NCAM2: variants seen among roughly 807,000 people sequenced by gnomAD.
NCAM2 encodes the protein N-CAM-2.
In NCAM2, 30 loss-of-function variants were observed where a neutral mutation model predicts 98.1. The ratio of observed to expected loss-of-function variants is 0.31; its 90% CI spans 0.23 to 0.41. NCAM2 has a LOEUF of 0.41. Ranked by LOEUF, NCAM2 falls within the 10% of genes least tolerant of loss-of-function variation. The probability of loss-of-function intolerance (pLI) is 1.00; values close to 1 mark genes in which losing one functional copy is unlikely to be tolerated. For synonymous variants in NCAM2, 368 were observed against 342.4 expected (o/e 1.07, Z -0.83); for missense variants, 867 against 1,005.8 (o/e 0.86, Z 1.87).
rs143992428 is a variant in NCAM2 at position 21,166,586 on chromosome 21, T to C, written c.56-113992T>C. Among the ~76,000 whole-genome samples the C allele has an allele frequency of 2.6e-3, 393 of 152,256 alleles. 1 individual carries two copies. The highest frequency in any genetic ancestry group is 9.3e-3 in the African/African-American group (385 of 41,542). On this transcript the variant is annotated intron_variant, in intron 1 of 17. Coordinates refer to ENST00000400546, the MANE Select transcript of NCAM2 (RefSeq NM_004540.5). Reference sequence around the variant, plus strand: ...TCTCTGATGGGCCATTTGCAATAGATGTAACCAGAACAATAAGAGTCAGGA... The same window carrying C: ...TCTCTGATGGGCCATTTGCAATAGACGTAACCAGAACAATAAGAGTCAGGA...
At chr21:21,430,100 C>T (rs1177526598) in intron 11 of NCAM2, among the ~76,000 whole-genome samples, 1 of 151,982 alleles carries the variant, frequency 6.6e-6, no homozygotes, top group Admixed American at 6.6e-5. Flanking sequence ...ATGATCTCAA[C>T]TCACTGCAAC....
At chr21:21,016,404 C>T (rs1386794308) in intron 1 of NCAM2, among the ~76,000 whole-genome samples, 2 of 149,486 alleles carry the variant, frequency 1.3e-5, no homozygotes, top group African/African-American at 4.9e-5. Flanking sequence ...TATGTGTGAT[C>T]TCATATGATT....
intron 1 of NCAM2, among the ~76,000 whole-genome samples, chr21:21,265,340 GTGTA>G (rs1258454869): frequency 1.0e-3 from 124 of 119,810 alleles, no homozygotes; most frequent in Middle Eastern, 8.1e-3. Context: ...TAATATATAT[GTGTA>G]TGTATGTATA....
At chr21:21,447,899 T>C (rs997184581) in intron 12 of NCAM2, among the ~76,000 whole-genome samples, 1 of 152,076 alleles carries the variant, frequency 6.6e-6, no homozygotes, top group African/African-American at 2.4e-5. Context: ...AAACAATAGA[T>C]GCCAGAGAGG....
chr21:21,021,876 C>T (rs2064444302), intron 1 of NCAM2, among the ~76,000 whole-genome samples: 1 of 152,084 alleles, frequency 6.6e-6, no homozygotes, highest in African/African-American at 2.4e-5. Flanking sequence ...TTCTAAGCTT[C>T]TTACATTCTA....
chr21:21,405,128 A>G (rs934577221), intron 9 of NCAM2, among the ~76,000 whole-genome samples: 6 of 151,982 alleles, frequency 3.9e-5, no homozygotes, highest in African/African-American at 1.4e-4. Flanking sequence ...TTTTTAGACT[A>G]TCAAGATATT....
intron 1 of NCAM2, among the ~76,000 whole-genome samples, chr21:21,179,693 A>G (rs1435271638): frequency 1.3e-5 from 2 of 152,194 alleles, no homozygotes; most frequent in African/African-American, 2.4e-5. Flanking sequence ...TGGTTAATAT[A>G]TGTGTCATTT....
chr21:21,228,193 A>G (rs2147169051), intron 1 of NCAM2, among the ~76,000 whole-genome samples: 1 of 151,808 alleles, frequency 6.6e-6, no homozygotes, highest in East Asian at 1.9e-4. Context: ...AATCAGACAA[A>G]TGGTTATTTT....
At chr21:21,237,876 C>T (rs1229873330) in intron 1 of NCAM2, among the ~76,000 whole-genome samples, 1 of 145,316 alleles carries the variant, frequency 6.9e-6, no homozygotes, top group Non-Finnish European at 1.5e-5. Context: ...ATTGCATATA[C>T]TAAAAAAAAA....
chr21:21,049,535 T>A (rs992308355), intron 1 of NCAM2, among the ~76,000 whole-genome samples: 3 of 151,872 alleles, frequency 2.0e-5, no homozygotes, highest in South Asian at 2.1e-4. Flanking sequence ...TTTTTTTTTT[T>A]AAATGTTACT....
Position 21,523,364 on chromosome 21 carries a change from G to C in NCAM2, c.2283-11173G>C, listed in dbSNP as rs548888561. Among the ~76,000 whole-genome samples, 4 of 151,174 alleles carry C rather than the reference G, an allele frequency of 2.6e-5. No homozygotes were observed. In the South Asian group the frequency reaches 8.4e-4, roughly 32 times the overall value. Reference sequence around the variant, plus strand: ...TCTAATCAATTTTGATTTGATTTTTGTGTATGGTGAGAGATAGGGGTCTGG... The same window carrying C: ...TCTAATCAATTTTGATTTGATTTTTCTGTATGGTGAGAGATAGGGGTCTGG... On this transcript the variant is annotated intron_variant, in intron 16 of 17. Transcript: ENST00000400546.
At chr21:21,194,382 A>G (rs893016395) in intron 1 of NCAM2, among the ~76,000 whole-genome samples, 2 of 152,188 alleles carry the variant, frequency 1.3e-5, no homozygotes, top group Non-Finnish European at 2.9e-5. Context: ...TTATTATTAT[A>G]TCTTAGGACT....
Position 21,298,621 on chromosome 21 carries a change from A to AGAT in NCAM2, c.619+6381_619+6383dup, listed in dbSNP as rs2073585358. Among the ~76,000 whole-genome samples, 8 of 109,768 alleles carry AGAT rather than the reference A, an allele frequency of 7.3e-5. No individual in the cohort carries two copies. In the South Asian group the frequency reaches 2.4e-3, roughly 34 times the overall value. The allele number at this position is 109,768 out of a possible 152,430, so 72.0% of individuals were successfully genotyped here. ...TAGATAGATAGATAGATAGATAGAT[A>AGAT]GATAGATAGATGATAGATAGAGATA... On this transcript the variant is annotated intron_variant, in intron 5 of 17. Transcript: ENST00000400546.
At chr21:21,368,793 A>G (rs2075846382) in intron 8 of NCAM2, among the ~76,000 whole-genome samples, 1 of 151,878 alleles carries the variant, frequency 6.6e-6, no homozygotes. Context: ...GAGGGGACCC[A>G]AACATTCAGA....
chr21:21,495,843 T>G (rs75408508), intron 15 of NCAM2, among the ~76,000 whole-genome samples: 1 of 151,796 alleles, frequency 6.6e-6, no homozygotes, highest in South Asian at 2.1e-4. Context: ...TCCTTGACCA[T>G]TGGTCACTAA....
chr21:21,452,858 G>A (rs1199922200), intron 12 of NCAM2, among the ~76,000 whole-genome samples: 3 of 93,144 alleles, frequency 3.2e-5, no homozygotes, highest in African/African-American at 1.3e-4. Context: ...CATTATATAT[G>A]AATAAACATT....
At chr21:21,035,303 A>G (rs546558616) in intron 1 of NCAM2, among the ~76,000 whole-genome samples, 30 of 152,306 alleles carry the variant, frequency 2.0e-4, no homozygotes, top group African/African-American at 7.2e-4. Context: ...AACAGATTCT[A>G]TTGAACTTAT....
Position 21,414,435 on chromosome 21 carries a change from TG to T in NCAM2, c.1383+3975del, listed in dbSNP as rs1186763114. On this transcript the variant is annotated intron_variant, in intron 10 of 17. Transcript: ENST00000400546. ...AGAGGAATCACTGTTTTATGGCAGC[TG>T]AAGCCTTAAATATTGTATTTCTGTT... Among the ~76,000 whole-genome samples, 5 of 151,842 alleles carry T rather than the reference TG, an allele frequency of 3.3e-5. No homozygotes were observed. In the East Asian group the frequency reaches 9.7e-4, roughly 29 times the overall value.
chr21:21,288,193 T>C (rs550236037), intron 4 of NCAM2, among the ~76,000 whole-genome samples: 1 of 152,070 alleles, frequency 6.6e-6, no homozygotes, highest in Admixed American at 6.6e-5. Context: ...AGCCTGTACA[T>C]GTTCAATAAA....
Sources: allele counts gnomAD v4.1 joint callset (sites outside exome capture counted in the v4.1 genomes callset), GRCh38; gene constraint gnomAD v4.1.1; transcripts MANE v1.5; gene names NCBI Gene and HGNC (gene_info 2026-07-23, HGNC 2026-07-21).